The following WDR74 variants were observed in gnomAD, a reference collection of about 807,000 sequenced individuals.
The protein encoded by WDR74 is WD repeat domain 74.
Under a neutral mutation model 45.6 loss-of-function variants are expected in WDR74, and 31 were observed. The observed-to-expected ratio is 0.68, with a 90% CI of 0.51 to 0.92. The LOEUF (loss-of-function observed/expected upper bound fraction) is 0.92, where lower values mean the gene tolerates loss of function less well. WDR74 is among the 40% of genes least tolerant of loss of function. The probability of loss-of-function intolerance (pLI) is 0.00; values close to 1 mark genes in which losing one functional copy is unlikely to be tolerated. For synonymous variants in WDR74, 191 were observed against 192.4 expected (o/e 0.99, Z 0.06); for missense variants, 455 against 497.2 (o/e 0.92, Z 0.81).
intron 3 of WDR74, among the ~76,000 whole-genome samples, chr11:62,837,621 T>G (rs1024626400): frequency 6.6e-6 from 1 of 152,058 alleles, no homozygotes; most frequent in African/African-American, 2.4e-5. Flanking sequence ...TCCCAGGCAG[T>G]ACCCTCTTTC....
At chr11:62,835,374 A>G in intron 6 of WDR74, 57 bp downstream of exon 6, 1 of 1,540,916 alleles carries the variant, frequency 6.5e-7, no homozygotes, top group African/African-American at 1.4e-5. Flanking sequence ...CGTGGGGGCC[A>G]TTTCTCCAGG....
chr11:62,838,784 A>AAC (rs994765438), intron 3 of WDR74, among the ~76,000 whole-genome samples: 48 of 151,520 alleles, frequency 3.2e-4, no homozygotes, highest in East Asian at 2.3e-3. Flanking sequence ...ACAAAAAACA[A>AAC]ACACACACAC....
chr11:62,834,610 C>T, intron 6 of WDR74, 83 bp from the exon 7 acceptor site: 1 of 1,179,670 alleles, frequency 8.5e-7, no homozygotes, highest in Non-Finnish European at 1.2e-6. Context: ...CCCCTCCCTG[C>T]ACACTGCTTT....
At chr11:62,839,771 G>C, upstream of WDR74, 1 of 677,904 alleles carries the variant, frequency 1.5e-6, no homozygotes, top group Non-Finnish European at 2.4e-6. Flanking sequence ...TGATCATTTT[G>C]CACTTGGGGG....
At chr11:62,835,632 A>G (rs1235513229) in intron 5 of WDR74, 63 bp downstream of exon 5, 4 of 1,613,644 alleles carry the variant, frequency 2.5e-6, no homozygotes, top group Admixed American at 1.7e-5. Context: ...TCTCTAATGC[A>G]TCGTCAGTGG....
chr11:62,839,562 A>C lies in WDR74; in HGVS notation c.9T>G (p.Ala3=), dbSNP rs908493827. 3.1e-6 allele frequency: 5 copies of C among 1,610,212 alleles called. No individual in the cohort carries two copies. Among genetic ancestry groups the C allele is most frequent in the Middle Eastern group, 1.7e-4 (1 of 6,044 alleles). MA[A]AAARWNHVWV... is the part of the protein sequence containing the mutation. ...ACACATGGTTCCAGCGTGCAGCAGCAGCCGCCATGACAAAGCCTGGAGGCA... is the reference window on the plus strand; with the variant it reads ...ACACATGGTTCCAGCGTGCAGCAGCCGCCGCCATGACAAAGCCTGGAGGCA... Residue 3 remains alanine, a synonymous_variant, in exon 1 of 11, where the codon GCT becomes GCG. Coordinates refer to ENST00000278856, the MANE Select transcript of WDR74 (RefSeq NM_001369450.1).
At chr11:62,835,603 GCC>G in intron 5 of WDR74, 71 bp from the exon 6 acceptor site, 2 of 1,612,638 alleles carry the variant, frequency 1.2e-6, no homozygotes, top group Non-Finnish European at 1.7e-6. Flanking sequence ...GCCCTCCTTC[GCC>G]CCCTAAGTCC....
At chr11:62,839,840 G>T (rs961290483), upstream of WDR74, 13 of 523,150 alleles carry the variant, frequency 2.5e-5, no homozygotes, top group Non-Finnish European at 3.7e-5. Flanking sequence ...TCTGTCTCCC[G>T]GCTCCATTAT....
chr11:62,839,377 G>T lies in WDR74; in HGVS notation c.116C>A (p.Pro39Gln), dbSNP rs541177302. ...QAANFTAGGQ[P>Q]RREEAVSALC... is the part of the protein sequence containing the mutation. ...GGCGCTCACTGCCTCCTCGCGCCGCGGCTGTCCTCCGGCCGTGAAGTTCGC... is the reference window on the plus strand; with the variant it reads ...GGCGCTCACTGCCTCCTCGCGCCGCTGCTGTCCTCCGGCCGTGAAGTTCGC... The change falls in exon 2 of 11, where the codon CCG becomes CAG. Residue 39 changes from proline to glutamine, a missense_variant. Pro to Gln is a moderately conservative substitution (Grantham distance 76, BLOSUM62 -1). Coordinates refer to ENST00000278856, the MANE Select transcript of WDR74 (RefSeq NM_001369450.1). 6.2e-6 allele frequency: 10 copies of T among 1,612,566 alleles called. No individual in the cohort carries two copies. The South Asian group carries it at 8.8e-5, about 14-fold the overall frequency.
upstream of WDR74, chr11:62,839,599 C>T (rs768761160): frequency 6.3e-7 from 1 of 1,580,990 alleles, no homozygotes; most frequent in Non-Finnish European, 8.6e-7. Flanking sequence ...ACAGTTCACA[C>T]TTCCGGCGCA....
At position 62,834,453 on chromosome 11, in the gene WDR74, T is replaced by A. The variant is rs1396011903; in HGVS notation, c.693A>T (p.Thr231=). ...LETTYGEYPL[T]AMTLTPGGNS... ...TGCCTCCCGGAGTGAGGGTCATGGC[T>A]GTTAGTGGGTACTCTCCATAGGTGG... The change falls in exon 7 of 11, where the codon ACA becomes ACT. Residue 231 remains threonine (T), a synonymous_variant. Coordinates refer to ENST00000278856, the MANE Select transcript of WDR74 (RefSeq NM_001369450.1). 32 of 1,469,054 alleles carry A rather than the reference T, an allele frequency of 2.2e-5. No individual in the cohort carries two copies. Among genetic ancestry groups the A allele is most frequent in the Non-Finnish European group, 2.9e-5 (32 of 1,093,812 alleles). The allele number at this position is 1,469,054 out of a possible 1,614,324, so 91.0% of individuals were successfully genotyped here.
upstream of WDR74, chr11:62,841,650 T>A (rs372870334): frequency 1.3e-5 from 2 of 152,220 alleles, no homozygotes; most frequent in Non-Finnish European, 2.9e-5. Flanking sequence ...AGTACTGCAA[T>A]ACCAGGTCGA....
At chr11:62,840,849 T>A (rs1019927411), upstream of WDR74, among the ~76,000 whole-genome samples, 2 of 152,130 alleles carry the variant, frequency 1.3e-5, no homozygotes. Context: ...TGCTAGGATT[T>A]CACGCTTGAA....
intron 3 of WDR74, 95 bp downstream of exon 3, chr11:62,839,019 C>A: frequency 6.4e-7 from 1 of 1,551,242 alleles, no homozygotes. Flanking sequence ...AAAGCCGTGT[C>A]ACTAAGAGTT....
intron 7 of WDR74, 37 bp downstream of exon 7, chr11:62,834,390 G>GCGGGCCC: frequency 9.5e-6 from 15 of 1,584,102 alleles, no homozygotes; most frequent in Non-Finnish European, 1.3e-5. Context: ...CCCTTCTCAA[G>GCGGGCCC]CCCCACCCTC....
intron 8 of WDR74, 166 bp downstream of exon 8, chr11:62,834,110 G>A: frequency 7.1e-7 from 1 of 1,400,810 alleles, no homozygotes; most frequent in East Asian, 2.3e-5. Flanking sequence ...ACAGGGAGTT[G>A]AAATAATTAG....
chr11:62,841,673 A>T (rs1033596407), upstream of WDR74: 2 of 152,254 alleles, frequency 1.3e-5, no homozygotes, highest in East Asian at 1.9e-4. Context: ...CGTGGAGTGG[A>T]CGGAGCAAGC....
In WDR74 at chr11:62,833,866, G is replaced by T. The variant is rs767942807; in HGVS notation, c.847C>A (p.Leu283Ile). 36 of 1,613,850 alleles carry T rather than the reference G, an allele frequency of 2.2e-5. No individual in the cohort carries two copies. Among genetic ancestry groups the T allele is most frequent in the Non-Finnish European group, 2.9e-5 (34 of 1,179,896 alleles). ...RGLQCHPSKP[L>I]LASCGLDRVL... ...CTGTCCAAGCCACAGGAGGCTAGTA[G>T]AGGCTTTGAAGGGTGGCACTGCAAC... Residue 283 changes from leucine to isoleucine, a missense_variant, in exon 9 of 11, where the codon CTA becomes ATA. Physicochemically the swap from Leu to Ile is conservative, Grantham distance 5 (BLOSUM62 2). Coordinates refer to ENST00000278856, the MANE Select transcript of WDR74 (RefSeq NM_001369450.1).
chr11:62,839,357 T>C lies in WDR74; in HGVS notation c.136A>G (p.Ser46Gly). The C allele has an allele frequency of 6.2e-7, 1 of 1,611,928 alleles. No homozygotes were observed. Among genetic ancestry groups the C allele is most frequent in the African/African-American group, 1.3e-5 (1 of 75,056 alleles). The change falls in exon 2 of 11, where the codon AGC (serine) becomes GGC (glycine). Residue 46 changes from serine to glycine, a missense_variant. Transcript: ENST00000278856. ...CCGCCGGTGCCCCAACACAGGGCGC[T>C]CACTGCCTCCTCGCGCCGCGGCTGT... Reference protein sequence around the residue: ...GGQPRREEAVSALCWGTGGET... With the variant: ...GGQPRREEAVGALCWGTGGET...
Sources: allele counts gnomAD v4.1 joint callset (sites outside exome capture counted in the v4.1 genomes callset), GRCh38; gene constraint gnomAD v4.1.1; transcripts MANE v1.5; gene names NCBI Gene and HGNC (gene_info 2026-07-23, HGNC 2026-07-21).